The following FKBP6 variants were observed in gnomAD, a reference collection of about 807,000 sequenced individuals.
FKBP6 encodes the protein FKBP prolyl isomerase family member 6 (inactive), also known as inactive peptidyl-prolyl cis-trans isomerase FKBP6.
FKBP6 carries 29 observed loss-of-function variants against 41.7 expected under a neutral mutation model. The ratio of observed to expected loss-of-function variants is 0.70; its 90% CI spans 0.52 to 0.95. The LOEUF (loss-of-function observed/expected upper bound fraction) is 0.95. Among genes scored for constraint, FKBP6 ranks in the 40% least tolerant of loss-of-function variants. FKBP6 has a pLI of 0.00. For missense variants in FKBP6, 338 were observed against 408.7 expected (o/e 0.83, Z 1.49); for synonymous variants, 130 against 165.1 (o/e 0.79, Z 1.63).
intron 7 of FKBP6, among the ~76,000 whole-genome samples, 199 bp downstream of exon 7, chr7:73,341,581 C>T (rs1324687299): frequency 6.6e-6 from 1 of 151,972 alleles, no homozygotes; most frequent in Non-Finnish European, 1.5e-5. Flanking sequence ...GACAGACTGC[C>T]AGACTATACA....
At position 73,330,348 on chromosome 7, in the gene FKBP6, C is replaced by G. The variant is rs1248464999; in HGVS notation, c.464C>G (p.Ser155Ter). ...GAGTCAGACAAGTTTTGTGCTCTCT[C>G]AGCTGTAAGTTCCAGAGCACAGATG... The part of the protein sequence containing the change: ...CAESDKFCAL[S>*]AEQQDQFPLQ... The change falls in exon 4 of 9, where the codon TCA (serine) becomes TGA (stop). Residue 155 changes from serine (S) to a stop codon, truncating the protein, a stop_gained. Transcript: ENST00000252037. LOFTEE classifies it high-confidence loss of function. 7 of 1,611,444 alleles carry G rather than the reference C, an allele frequency of 4.3e-6. No individual in the cohort carries two copies. Among genetic ancestry groups the G allele is most frequent in the Admixed American group, 1.7e-5 (1 of 60,004 alleles).
intron 2 of FKBP6, among the ~76,000 whole-genome samples, 156 bp downstream of exon 2, chr7:73,328,848 G>T (rs1418876013): frequency 6.6e-6 from 1 of 152,188 alleles, no homozygotes; most frequent in African/African-American, 2.4e-5. Flanking sequence ...TTGCTCAGTT[G>T]CCCAGGCTGG....
At position 73,356,814 on chromosome 7, in the gene FKBP6, CTT is replaced by C. The variant is rs374481325; in HGVS notation, c.*3-1366_*3-1365del. 2.0e-5 allele frequency among the ~76,000 whole-genome samples: 3 copies of C among 152,312 alleles called. No homozygotes were observed. In the South Asian group the frequency reaches 6.2e-4, roughly 32 times the overall value. ...TCCCCTCACAAGACAGAGTTTCACT[CTT>C]GTCACCCAGGCTGGAGTACAGTGGC... On this transcript the variant is annotated intron_variant, in intron 8 of 8. Coordinates refer to ENST00000252037, the MANE Select transcript of FKBP6 (RefSeq NM_003602.5).
intron 3 of FKBP6, 130 bp downstream of exon 3, chr7:73,329,579 A>T: frequency 4.0e-6 from 3 of 750,492 alleles, no homozygotes; most frequent in Non-Finnish European, 7.4e-6. Flanking sequence ...GGGTTTTGGT[A>T]ACACAGCCAT....
intron 5 of FKBP6, among the ~76,000 whole-genome samples, chr7:73,336,090 T>C (rs1471692262): frequency 1.3e-5 from 2 of 152,128 alleles, no homozygotes; most frequent in African/African-American, 4.8e-5. Context: ...AGCTAACCAA[T>C]ACCTATGGTC....
At chr7:73,332,226 T>G (rs558632711) in intron 5 of FKBP6, among the ~76,000 whole-genome samples, 1 of 151,986 alleles carries the variant, frequency 6.6e-6, no homozygotes, top group South Asian at 2.1e-4. Flanking sequence ...AAAATCTCAT[T>G]TAAAAAAATC....
chr7:73,330,229 C>T lies in FKBP6; in HGVS notation c.345C>T (p.Asn115=). Residue 115 remains asparagine (N), a synonymous_variant, in exon 4 of 9, where the codon AAC becomes AAT. Coordinates refer to ENST00000252037, the MANE Select transcript of FKBP6 (RefSeq NM_003602.5). ...TGGCCAGGTTTCTGTTCAAACCGAA[C>T]TACGCCTATGGAACGCTGGGCTGCC... The part of the protein sequence containing the change: ...GELARFLFKP[N]YAYGTLGCPP... 2 of 1,614,036 alleles carry T rather than the reference C, an allele frequency of 1.2e-6. No homozygotes were observed. The highest frequency in any genetic ancestry group is 1.7e-6 in the Non-Finnish European group (2 of 1,179,900).
chr7:73,340,238 C>G (rs1394109158), intron 5 of FKBP6, among the ~76,000 whole-genome samples: 1 of 152,028 alleles, frequency 6.6e-6, no homozygotes, highest in African/African-American at 2.4e-5. Flanking sequence ...AGAAATATAC[C>G]TGACTTTTGG....
Position 73,355,017 on chromosome 7 carries a change from A to G in FKBP6, c.*3-3164A>G, listed in dbSNP as rs537081112. 4.6e-5 allele frequency among the ~76,000 whole-genome samples: 7 copies of G among 152,302 alleles called. No homozygotes were observed. The East Asian group carries it at 7.7e-4, about 17-fold the overall frequency. ...CTCCAGCCCGTGGCTCCGCGATTAC[A>G]TCACTCCTCTGTCTTCTCTGTTACA... On this transcript the variant is annotated intron_variant, in intron 8 of 8. Transcript: ENST00000252037.
At position 73,331,693 on chromosome 7, in the gene FKBP6, A is replaced by G. The variant is rs1554547704; in HGVS notation, c.505A>G (p.Lys169Glu). 1 of 1,613,738 alleles carries G rather than the reference A, an allele frequency of 6.2e-7. No homozygotes were observed. The highest frequency in any genetic ancestry group is 1.7e-5 in the Admixed American group (1 of 60,008). The change falls in exon 5 of 9, where the codon AAA (lysine) becomes GAA (glutamate). Residue 169 changes from lysine (K) to glutamate (E), a missense_variant. Around this residue, in one of 2 missense-constraint regions of FKBP6, gnomAD observed 239 missense variants for 250.1 expected, o/e 0.96. Transcript: ENST00000252037. Reference sequence around the variant, plus strand: ...CCAATTTCCACTTCAGAAGGTCCTGAAAGTGGCAGCTACGGAACGGGAGTT... The same window carrying G: ...CCAATTTCCACTTCAGAAGGTCCTGGAAGTGGCAGCTACGGAACGGGAGTT... ...QDQFPLQKVL[K>E]VAATEREFGN...
intron 8 of FKBP6, among the ~76,000 whole-genome samples, chr7:73,355,017 A>C (rs537081112): frequency 6.6e-6 from 1 of 152,184 alleles, no homozygotes; most frequent in Non-Finnish European, 1.5e-5. Flanking sequence ...CCGCGATTAC[A>C]TCACTCCTCT....
At chr7:73,349,546 CA>C (rs1175280907) in intron 8 of FKBP6, among the ~76,000 whole-genome samples, 357 of 48,688 alleles carry the variant, frequency 7.3e-3, no homozygotes, top group South Asian at 0.012. Flanking sequence ...TACTAAAATA[CA>C]AAAAAAAAAA....
At chr7:73,357,542 G>A (rs1805667767) in intron 8 of FKBP6, among the ~76,000 whole-genome samples, 1 of 149,492 alleles carries the variant, frequency 6.7e-6, no homozygotes, top group African/African-American at 2.4e-5. Context: ...TTACAGGTGT[G>A]AGCCAATGCG....
At chr7:73,333,862 A>C (rs1325073928) in intron 5 of FKBP6, among the ~76,000 whole-genome samples, 1 of 152,198 alleles carries the variant, frequency 6.6e-6, no homozygotes, top group East Asian at 1.9e-4. Context: ...ACCTGAGGTC[A>C]GGAGTTCAAG....
chr7:73,343,689 G>A (rs1447744564), intron 8 of FKBP6, among the ~76,000 whole-genome samples: 1 of 152,162 alleles, frequency 6.6e-6, no homozygotes, highest in Non-Finnish European at 1.5e-5. Context: ...CCAAGCACAT[G>A]AGATAACCCT....
intron 5 of FKBP6, among the ~76,000 whole-genome samples, chr7:73,332,153 C>G (rs1161189650): frequency 6.6e-6 from 1 of 151,932 alleles, no homozygotes; most frequent in African/African-American, 2.4e-5. Flanking sequence ...TGTGAGCTAC[C>G]GCGCCCGGCA....
At chr7:73,346,214 T>C (rs2237285) in intron 8 of FKBP6, among the ~76,000 whole-genome samples, 18,981 of 152,160 alleles carry the variant, frequency 0.12, 1,311 homozygotes, top group Middle Eastern at 0.18. Flanking sequence ...GTGTTCCGAA[T>C]GGGGGAAAGC....
chr7:73,331,753 G>A lies in FKBP6; in HGVS notation c.565G>A (p.Asp189Asn). The A allele has an allele frequency of 6.8e-6, 11 of 1,613,928 alleles. No individual in the cohort carries two copies. Among genetic ancestry groups the A allele is most frequent in the Non-Finnish European group, 9.3e-6 (11 of 1,179,776 alleles). The change falls in exon 5 of 9, where the codon GAT becomes AAT. Residue 189 changes from aspartate to asparagine, a missense_variant. Asp to Asn is a conservative substitution (Grantham distance 23). Coordinates refer to ENST00000252037, the MANE Select transcript of FKBP6 (RefSeq NM_003602.5). ...NYLFRQNRFYDAKVRYKRALL... is the reference protein window; with the variant it reads ...NYLFRQNRFYNAKVRYKRALL... ...CCTTTTCCGCCAGAATCGTTTCTAT[G>A]ATGCCAAAGTGAGATATAAAAGGGT...
intron 8 of FKBP6, among the ~76,000 whole-genome samples, chr7:73,346,901 G>C (rs1489721915): frequency 6.6e-6 from 1 of 152,220 alleles, no homozygotes; most frequent in African/African-American, 2.4e-5. Context: ...GGCAGCTTTA[G>C]TGACATGTCA....
Sources: allele counts gnomAD v4.1 joint callset (sites outside exome capture counted in the v4.1 genomes callset), GRCh38; gene constraint gnomAD v4.1.1; regional missense constraint gnomAD v4.1.1; transcripts MANE v1.5; gene names NCBI Gene and HGNC (gene_info 2026-07-23, HGNC 2026-07-21).